Variants in RAD18 observed in about 807,000 individuals in gnomAD.
The protein encoded by RAD18 is E3 ubiquitin-protein ligase RAD18.
A neutral mutation model predicts 60.4 loss-of-function variants in RAD18; 47 were observed. The observed-to-expected ratio is 0.78, with a 90% CI of 0.62 to 0.99. The LOEUF (loss-of-function observed/expected upper bound fraction) is 0.99, where lower values mean the gene tolerates loss of function less well. RAD18 is among the 50% of genes least tolerant of loss of function. The probability of loss-of-function intolerance (pLI) is 0.00; values close to 1 mark genes in which losing one functional copy is unlikely to be tolerated. For synonymous variants in RAD18, 225 were observed against 195.5 expected (o/e 1.15, Z -1.26); for missense variants, 640 against 593.3 (o/e 1.08, Z -0.82).
chr3:8,892,229 T>C (rs893055353), intron 11 of RAD18, among the ~76,000 whole-genome samples: 5 of 152,330 alleles, frequency 3.3e-5, no homozygotes, highest in African/African-American at 7.2e-5. Flanking sequence ...TCAGCTTGTC[T>C]ACTATTTGGT....
intron 10 of RAD18, among the ~76,000 whole-genome samples, chr3:8,900,213 T>C (rs1939880418): frequency 6.6e-6 from 1 of 152,230 alleles, no homozygotes; most frequent in Non-Finnish European, 1.5e-5. Context: ...CCCTCTAATG[T>C]ATATCTGGAA....
chr3:8,890,872 T>C (rs978197168), intron 11 of RAD18, among the ~76,000 whole-genome samples: 2 of 152,076 alleles, frequency 1.3e-5, no homozygotes, highest in Admixed American at 6.6e-5. Context: ...CATTCCCTTC[T>C]CTCTACTCCA....
At chr3:8,923,993 G>T (rs899122817) in intron 7 of RAD18, among the ~76,000 whole-genome samples, 1 of 152,198 alleles carries the variant, frequency 6.6e-6, no homozygotes, top group Non-Finnish European at 1.5e-5. Flanking sequence ...AGGCTAGGAA[G>T]AAACTGCATC....
intron 7 of RAD18, among the ~76,000 whole-genome samples, chr3:8,924,053 C>T (rs1311341014): frequency 3.3e-5 from 5 of 152,170 alleles, no homozygotes; most frequent in Admixed American, 6.5e-5. Context: ...GAATCAAATT[C>T]ACACATAATA....
At chr3:8,903,518 C>T (rs1213070354) in intron 9 of RAD18, among the ~76,000 whole-genome samples, 3 of 152,136 alleles carry the variant, frequency 2.0e-5, no homozygotes, top group Admixed American at 6.6e-5. Flanking sequence ...CCTTATCTTA[C>T]GATACTATAC....
At chr3:8,883,089 G>A (rs1425131554) in intron 12 of RAD18, among the ~76,000 whole-genome samples, 1 of 152,174 alleles carries the variant, frequency 6.6e-6, no homozygotes, top group Non-Finnish European at 1.5e-5. Flanking sequence ...GATACAAAGA[G>A]AAAAAGGAGT....
chr3:8,930,480 A>G (rs1163248122), intron 7 of RAD18, among the ~76,000 whole-genome samples: 3 of 152,162 alleles, frequency 2.0e-5, no homozygotes, highest in Admixed American at 2.0e-4. Context: ...TTAATATGAT[A>G]GTTGTACAAC....
Position 8,941,546 on chromosome 3 carries a change from T to C in RAD18, c.525A>G (p.Val175=), listed in dbSNP as rs750747028. The change falls in exon 5 of 13, where the codon GTA becomes GTG. Residue 175 remains valine (V), a synonymous_variant. Coordinates refer to ENST00000264926, the MANE Select transcript of RAD18 (RefSeq NM_020165.4). ...CTGAGGGATCTGGAGCGATCTCTTCTACAGAACGTGTCTCTTTGGTCTTTG... is the reference window on the plus strand; with the variant it reads ...CTGAGGGATCTGGAGCGATCTCTTCCACAGAACGTGTCTCTTTGGTCTTTG... The part of the protein sequence containing the change: ...PAAKTKETRS[V]EEIAPDPSEA... The C allele has an allele frequency of 9.9e-6, 16 of 1,614,132 alleles. No homozygotes were observed. The highest frequency in any genetic ancestry group is 8.8e-5 in the South Asian group (8 of 91,080).
chr3:8,911,521 C>A (rs1254370240), intron 9 of RAD18, among the ~76,000 whole-genome samples: 1 of 152,300 alleles, frequency 6.6e-6, no homozygotes, highest in African/African-American at 2.4e-5. Flanking sequence ...TTTTGTTGTT[C>A]AGTCCATAAT....
At chr3:8,912,856 T>A (rs1940126373) in intron 8 of RAD18, among the ~76,000 whole-genome samples, 1 of 152,160 alleles carries the variant, frequency 6.6e-6, no homozygotes, top group Admixed American at 6.5e-5. Context: ...TTTTTAAACC[T>A]CAGACTTAAA....
intron 8 of RAD18, among the ~76,000 whole-genome samples, chr3:8,912,700 C>T (rs907500157): frequency 1.7e-4 from 13 of 75,910 alleles, no homozygotes; most frequent in African/African-American, 3.1e-4. Flanking sequence ...AGAAGACTAA[C>T]GACACTTAGC....
intron 4 of RAD18, among the ~76,000 whole-genome samples, chr3:8,945,998 T>C (rs1266870785): frequency 1.3e-5 from 2 of 152,242 alleles, no homozygotes; most frequent in Non-Finnish European, 1.5e-5. Context: ...GAAACTTTTT[T>C]ATAAATTTAG....
chr3:8,898,181 A>G (rs1274973351), intron 11 of RAD18, among the ~76,000 whole-genome samples: 1 of 152,186 alleles, frequency 6.6e-6, no homozygotes, highest in Non-Finnish European at 1.5e-5. Context: ...CAGAAACTGA[A>G]GGGTCTGGTA....
chr3:8,914,478 G>GT (rs1223440831), intron 7 of RAD18, among the ~76,000 whole-genome samples: 2 of 152,224 alleles, frequency 1.3e-5, no homozygotes, highest in African/African-American at 4.8e-5. Context: ...AAGCTGGGTA[G>GT]TAGGCATATG....
chr3:8,904,556 G>T (rs1939970828), intron 9 of RAD18, among the ~76,000 whole-genome samples: 1 of 152,172 alleles, frequency 6.6e-6, no homozygotes, highest in Admixed American at 6.5e-5. Flanking sequence ...TGGCCGTAAA[G>T]ATCACTGGAA....
intron 7 of RAD18, among the ~76,000 whole-genome samples, chr3:8,922,259 G>C (rs892661117): frequency 6.6e-6 from 1 of 152,206 alleles, no homozygotes; most frequent in Non-Finnish European, 1.5e-5. Context: ...CTTCTCCAAC[G>C]GTCTTAGCAA....
chr3:8,942,337 G>A lies in RAD18; in HGVS notation c.267-533C>T, dbSNP rs1018760870. Among the ~76,000 whole-genome samples the A allele has an allele frequency of 3.2e-4, 48 of 152,162 alleles. 1 individual carries two copies. Among genetic ancestry groups the A allele is most frequent in the Admixed American group, 3.1e-3 (47 of 15,268 alleles). ...TGCTCCCACTCTCACCACATGACAT[G>A]CTGCCCGTCTTTTGTTTTCCACTGT... On this transcript the variant is annotated intron_variant, in intron 4 of 12. Coordinates refer to ENST00000264926, the MANE Select transcript of RAD18 (RefSeq NM_020165.4).
chr3:8,947,145 A>T, intron 4 of RAD18, 75 bp downstream of exon 4: 1 of 1,119,998 alleles, frequency 8.9e-7, no homozygotes, highest in Non-Finnish European at 1.3e-6. Flanking sequence ...CCTAATCCAA[A>T]GGTGCACAAA....
chr3:8,904,833 G>A (rs1939976813), intron 9 of RAD18, among the ~76,000 whole-genome samples: 1 of 152,168 alleles, frequency 6.6e-6, no homozygotes, highest in Non-Finnish European at 1.5e-5. Flanking sequence ...ATAAAGACTG[G>A]AGATTTAAGA....
Sources: allele counts gnomAD v4.1 joint callset (sites outside exome capture counted in the v4.1 genomes callset), GRCh38; gene constraint gnomAD v4.1.1; transcripts MANE v1.5; gene names NCBI Gene and HGNC (gene_info 2026-07-23, HGNC 2026-07-21).